Variants in MAST4 observed in about 807,000 individuals in gnomAD.
The protein encoded by MAST4 is microtubule-associated serine/threonine-protein kinase 4.
Under a neutral mutation model 162.7 loss-of-function variants are expected in MAST4, and 89 were observed. The ratio of observed to expected loss-of-function variants is 0.55; its 90% confidence interval spans 0.46 to 0.65. MAST4 has a LOEUF of 0.65. Ranked by LOEUF, MAST4 falls within the 30% of genes least tolerant of loss-of-function variation. The probability of loss-of-function intolerance (pLI) is 0.00; values close to 1 mark genes in which losing one functional copy is unlikely to be tolerated. For missense variants in MAST4, 3,153 were observed against 3,374.0 expected (o/e 0.93, Z 1.62); for synonymous variants, 1,479 against 1,361.1 (o/e 1.09, Z -1.91).
chr5:66,681,470 G>T (rs895359156), intron 1 of MAST4, among the ~76,000 whole-genome samples: 2 of 152,180 alleles, frequency 1.3e-5, no homozygotes, highest in Non-Finnish European at 2.9e-5. Context: ...ACTCCAGAGT[G>T]ACTGAGTCAG....
Position 66,691,740 on chromosome 5 carries a change from C to A in MAST4, c.364-67969C>A, listed in dbSNP as rs1046907655. Among the ~76,000 whole-genome samples the A allele has an allele frequency of 1.4e-4, 21 of 152,084 alleles. 1 individual carries two copies. The highest frequency in any genetic ancestry group is 2.8e-4 in the Non-Finnish European group (19 of 68,008). On this transcript the variant is annotated intron_variant, in intron 1 of 28. Coordinates refer to ENST00000403625, the MANE Select transcript of MAST4 (RefSeq NM_001164664.2). ...GGCATTAATCCTATTATGAGGGGAT[C>A]CGCTTTCATGACCCAATCACCCCCT...
At chr5:66,936,534 T>A (rs1290781156) in intron 4 of MAST4, among the ~76,000 whole-genome samples, 1 of 152,178 alleles carries the variant, frequency 6.6e-6, no homozygotes, top group African/African-American at 2.4e-5. Flanking sequence ...CAAAGGGGGT[T>A]GTTCTCTGAC....
intron 4 of MAST4, among the ~76,000 whole-genome samples, chr5:66,941,111 C>G (rs1417514248): frequency 6.6e-6 from 1 of 152,072 alleles, no homozygotes; most frequent in African/African-American, 2.4e-5. Context: ...CTTTGTTGCT[C>G]TATGTATGGA....
At chr5:66,717,781 A>G (rs1750933702) in intron 1 of MAST4, among the ~76,000 whole-genome samples, 1 of 152,124 alleles carries the variant, frequency 6.6e-6, no homozygotes, top group Non-Finnish European at 1.5e-5. Flanking sequence ...AATCTCCCTT[A>G]TGTTTATATT....
chr5:66,941,152 G>C (rs911042041), intron 4 of MAST4, among the ~76,000 whole-genome samples: 3 of 152,068 alleles, frequency 2.0e-5, no homozygotes, highest in African/African-American at 7.2e-5. Context: ...CCATAATTTT[G>C]AAGGGCCTTG....
At chr5:66,909,456 G>T (rs957670129) in intron 4 of MAST4, among the ~76,000 whole-genome samples, 8 of 152,294 alleles carry the variant, frequency 5.3e-5, no homozygotes, top group Middle Eastern at 6.8e-3. Flanking sequence ...GGTCTATATG[G>T]AAAATTTTAA....
At chr5:66,900,087 C>A in intron 4 of MAST4, 105 bp downstream of exon 4, 2 of 772,480 alleles carry the variant, frequency 2.6e-6, no homozygotes, top group South Asian at 2.9e-5. Context: ...GAATGATAAT[C>A]AACTGAAGAA....
chr5:67,165,734 G>A lies in MAST4; in HGVS notation c.6555G>A (p.Ala2185=), dbSNP rs774104432. ...SPQDPPKPVA[A]HSESSSHKPR... ...AGGACCCTCCCAAGCCTGTTGCTGCGCACAGTGAAAGCAGCAGCCACAAGC... is the reference window on the plus strand; with the variant it reads ...AGGACCCTCCCAAGCCTGTTGCTGCACACAGTGAAAGCAGCAGCCACAAGC... Residue 2185 remains alanine (A), a synonymous_variant, in exon 29 of 29, where the codon GCG becomes GCA. Transcript: ENST00000403625. 58 of 1,578,002 alleles carry A rather than the reference G, an allele frequency of 3.7e-5. No individual in the cohort carries two copies. The Admixed American group carries it at 1.1e-3, about 29-fold the overall frequency.
intron 3 of MAST4, among the ~76,000 whole-genome samples, chr5:66,817,822 A>G (rs1006623792): frequency 1.3e-5 from 2 of 152,236 alleles, no homozygotes; most frequent in African/African-American, 4.8e-5. Context: ...TTCAAACAGA[A>G]CAGAGGGACT....
chr5:66,660,765 A>G (rs1398331416), intron 1 of MAST4, among the ~76,000 whole-genome samples: 1 of 152,240 alleles, frequency 6.6e-6, no homozygotes, highest in East Asian at 1.9e-4. Flanking sequence ...GAAACATTAT[A>G]TACAAATAAT....
At chr5:66,963,571 T>C (rs766505482) in intron 4 of MAST4, 3 of 610,278 alleles carry the variant, frequency 4.9e-6, no homozygotes, top group Non-Finnish European at 8.9e-6. Context: ...GGCAAGTGAT[T>C]AGATGATTAC....
chr5:66,775,677 A>T (rs541406723), intron 2 of MAST4, among the ~76,000 whole-genome samples: 3 of 151,892 alleles, frequency 2.0e-5, no homozygotes, highest in Admixed American at 6.6e-5. Flanking sequence ...CAAAAGAACA[A>T]TGGTTCTTTT....
intron 4 of MAST4, among the ~76,000 whole-genome samples, chr5:66,934,200 C>T (rs1239650458): frequency 7.1e-6 from 1 of 141,268 alleles, no homozygotes; most frequent in Non-Finnish European, 1.6e-5. Context: ...ATTGACTACT[C>T]TGGCAGAGGC....
Position 66,695,882 on chromosome 5 carries a change from A to G in MAST4, c.364-63827A>G, listed in dbSNP as rs539831435. Reference sequence around the variant, plus strand: ...TACCCAAAGGAATATAAATCATTCTATTATAAAGATACATGCACACGTATG... The same window carrying G: ...TACCCAAAGGAATATAAATCATTCTGTTATAAAGATACATGCACACGTATG... On this transcript the variant is annotated intron_variant, in intron 1 of 28. Transcript: ENST00000403625. Among the ~76,000 whole-genome samples, 157 of 152,320 alleles carry G rather than the reference A, an allele frequency of 1.0e-3. 1 individual carries two copies. The highest frequency in any genetic ancestry group is 3.6e-3 in the African/African-American group (151 of 41,578).
chr5:67,157,129 C>T (rs370667610), intron 26 of MAST4, among the ~76,000 whole-genome samples: 1 of 152,222 alleles, frequency 6.6e-6, no homozygotes, highest in Non-Finnish European at 1.5e-5. Context: ...CCACCTTGAG[C>T]AGTTCAGGTA....
At position 67,134,697 on chromosome 5, in the gene MAST4, C is replaced by A. The variant is rs139822457; in HGVS notation, c.2392+9C>A. The A allele has an allele frequency of 3.5e-4, 567 of 1,605,426 alleles. 3 individuals carry two copies. In the African/African-American group the frequency reaches 4.4e-3, roughly 13 times the overall value. ...TGGACAAGTCATCAGTGGTAAATAT[C>A]ATCAGGAGTTATCTTTAGGTCACTG... On this transcript the variant is annotated intron_variant, in intron 18 of 28. Coordinates refer to ENST00000403625, the MANE Select transcript of MAST4 (RefSeq NM_001164664.2).
intron 3 of MAST4, among the ~76,000 whole-genome samples, chr5:66,808,018 C>A (rs1756287879): frequency 6.6e-6 from 1 of 152,230 alleles, no homozygotes; most frequent in Non-Finnish European, 1.5e-5. Flanking sequence ...ACATGTTTTT[C>A]CTTGCCCTTT....
intron 3 of MAST4, among the ~76,000 whole-genome samples, chr5:66,868,002 A>C (rs1224272603): frequency 6.6e-6 from 1 of 152,230 alleles, no homozygotes; most frequent in East Asian, 1.9e-4. Context: ...TTTTGCCTTT[A>C]GTGTTGAGTG....
chr5:66,994,917 C>T (rs1750461707), intron 4 of MAST4, among the ~76,000 whole-genome samples: 2 of 152,000 alleles, frequency 1.3e-5, no homozygotes, highest in African/African-American at 4.8e-5. Context: ...TTTCATTGTA[C>T]AACATGACAG....
Sources: allele counts gnomAD v4.1 joint callset (sites outside exome capture counted in the v4.1 genomes callset), GRCh38; gene constraint gnomAD v4.1.1; transcripts MANE v1.5; gene names NCBI Gene and HGNC (gene_info 2026-07-23, HGNC 2026-07-21).